The following PTGIS variants were observed in gnomAD, a reference collection of about 807,000 sequenced individuals.
PTGIS encodes the protein prostacyclin synthase.
Under a neutral mutation model 50.3 loss-of-function variants are expected in PTGIS, and 45 were observed. The ratio of observed to expected loss-of-function variants is 0.90; its 90% CI spans 0.70 to 1.15. The LOEUF is 1.15. Among genes scored for constraint, PTGIS ranks in the 50% most tolerant of loss-of-function variants. PTGIS has a pLI of 0.00. For synonymous variants in PTGIS, 260 were observed against 267.7 expected (o/e 0.97, Z 0.28); for missense variants, 668 against 661.3 (o/e 1.01, Z -0.11).
Position 49,568,037 on chromosome 20 carries a change from A to G in PTGIS, c.74+6T>C. 2 of 1,483,544 alleles carry G rather than the reference A, an allele frequency of 1.3e-6. No individual in the cohort carries two copies. The highest frequency in any genetic ancestry group is 2.3e-4 in the Middle Eastern group (1 of 4,334). The allele number at this position is 1,483,544 out of a possible 1,614,324, so 91.9% of individuals were successfully genotyped here. On this transcript the variant is annotated splice_donor_region_variant and intron_variant, in intron 1 of 9. Transcript: ENST00000244043. ...CTGGCGGGGCCGAGCGGAGCAGGAC[A>G]CTCACCGCGTGCGGCGGCGGCTCAG...
At chr20:49,565,032 A>G (rs1982862376) in intron 1 of PTGIS, among the ~76,000 whole-genome samples, 1 of 146,716 alleles carries the variant, frequency 6.8e-6, no homozygotes, top group Non-Finnish European at 1.5e-5. Context: ...GTGCAGTGGC[A>G]GGATCTCAGC....
chr20:49,542,227 C>T (rs552271560), intron 4 of PTGIS, among the ~76,000 whole-genome samples: 1 of 152,214 alleles, frequency 6.6e-6, no homozygotes, highest in Non-Finnish European at 1.5e-5. Flanking sequence ...CCAACACAGG[C>T]CAGGCTGGTG....
At chr20:49,525,519 G>A (rs1981770805) in intron 5 of PTGIS, among the ~76,000 whole-genome samples, 1 of 151,850 alleles carries the variant, frequency 6.6e-6, no homozygotes, top group Non-Finnish European at 1.5e-5. Flanking sequence ...AGGGCAGACT[G>A]GTAAGGGGAT....
chr20:49,566,848 A>G (rs1982911579), intron 1 of PTGIS, among the ~76,000 whole-genome samples: 2 of 152,196 alleles, frequency 1.3e-5, no homozygotes, highest in East Asian at 3.8e-4. Context: ...AACTGGATAA[A>G]ATCCCGTGAA....
At chr20:49,514,439 C>T (rs376486723) in intron 6 of PTGIS, 44 bp from the exon 7 acceptor site, 1 of 1,601,272 alleles carries the variant, frequency 6.2e-7, no homozygotes, top group South Asian at 1.1e-5. Flanking sequence ...GAGGGCAGAG[C>T]TGACTCGTCT....
intron 1 of PTGIS, among the ~76,000 whole-genome samples, chr20:49,562,832 A>T (rs1454664541): frequency 6.6e-6 from 1 of 152,214 alleles, no homozygotes; most frequent in African/African-American, 2.4e-5. Context: ...GGAGTCAAGG[A>T]TGGGATGTCA....
rs553333364 is a variant in PTGIS, at chr20:49,514,740, G to T, written c.856-345C>A. Among the ~76,000 whole-genome samples, 100 of 152,206 alleles carry T rather than the reference G, an allele frequency of 6.6e-4. 1 individual carries two copies. Among genetic ancestry groups the T allele is most frequent in the Non-Finnish European group, 2.6e-4 (18 of 68,046 alleles). On this transcript the variant is annotated intron_variant, in intron 6 of 9. Coordinates refer to ENST00000244043, the MANE Select transcript of PTGIS (RefSeq NM_000961.4). ...GTTCACATCTGAGAATGATCACATTGTTGGCCCCAATTCTTCCCCAATCGC... is the reference window on the plus strand; with the variant it reads ...GTTCACATCTGAGAATGATCACATTTTTGGCCCCAATTCTTCCCCAATCGC...
In PTGIS at chr20:49,548,040, T is replaced by C. The variant is rs201336658; in HGVS notation, c.199-21A>G. 7.9e-5 allele frequency: 127 copies of C among 1,611,538 alleles called. No individual in the cohort carries two copies. In the African/African-American group the frequency reaches 1.4e-3, roughly 18 times the overall value. On this transcript the variant is annotated intron_variant, in intron 2 of 9. Coordinates refer to ENST00000244043, the MANE Select transcript of PTGIS (RefSeq NM_000961.4). ...AGTATCTGTGGGAAGTTGCCAGGGA[T>C]AGAGTGAGGAGTGTCACTGTGAACA...
At chr20:49,544,282 G>T in intron 4 of PTGIS, 23 bp downstream of exon 4, 1 of 1,613,560 alleles carries the variant, frequency 6.2e-7, no homozygotes, top group Non-Finnish European at 8.5e-7. Flanking sequence ...CCCAGCAGGA[G>T]GGTGGGGGCT....
At chr20:49,509,982 G>A (rs1981272187) in intron 9 of PTGIS, among the ~76,000 whole-genome samples, 1 of 148,632 alleles carries the variant, frequency 6.7e-6, no homozygotes, top group African/African-American at 2.5e-5. Flanking sequence ...TCCACCTCCT[G>A]GGTTCAAGAG....
At chr20:49,560,632 G>A (rs889336962) in intron 1 of PTGIS, among the ~76,000 whole-genome samples, 4 of 152,236 alleles carry the variant, frequency 2.6e-5, no homozygotes, top group Admixed American at 6.5e-5. Flanking sequence ...GAGATGCCAC[G>A]TGAGCAAAGA....
intron 2 of PTGIS, among the ~76,000 whole-genome samples, chr20:49,549,473 T>C (rs1447092784): frequency 3.9e-5 from 6 of 152,186 alleles, no homozygotes; most frequent in Non-Finnish European, 8.8e-5. Flanking sequence ...TCCAGAGATA[T>C]GGAACCCACC....
At chr20:49,518,756 A>C (rs1307034626) in intron 6 of PTGIS, among the ~76,000 whole-genome samples, 1 of 152,134 alleles carries the variant, frequency 6.6e-6, no homozygotes, top group African/African-American at 2.4e-5. Flanking sequence ...GTTTAGTGGC[A>C]GAGGTGAGAT....
intron 5 of PTGIS, among the ~76,000 whole-genome samples, chr20:49,536,470 C>CTTTTTTTTT (rs1471525960): frequency 2.4e-4 from 33 of 135,108 alleles, no homozygotes; most frequent in Non-Finnish European, 4.0e-4. Flanking sequence ...TTCTTTCTTT[C>CTTTTTTTTT]TTTCTTTCTT....
intron 5 of PTGIS, among the ~76,000 whole-genome samples, chr20:49,534,921 G>A (rs1200628888): frequency 1.3e-5 from 2 of 152,138 alleles, no homozygotes; most frequent in African/African-American, 2.4e-5. Context: ...TGGGAGGATC[G>A]CTTGAGCCTG....
At chr20:49,558,111 G>A (rs986483186) in intron 1 of PTGIS, among the ~76,000 whole-genome samples, 2 of 152,182 alleles carry the variant, frequency 1.3e-5, no homozygotes, top group African/African-American at 4.8e-5. Context: ...AAATAAGGCT[G>A]GGCATGGTGT....
At chr20:49,523,356 C>G (rs552301295) in intron 6 of PTGIS, among the ~76,000 whole-genome samples, 1 of 151,466 alleles carries the variant, frequency 6.6e-6, no homozygotes, top group East Asian at 1.9e-4. Context: ...GAGAGAGAGA[C>G]AGAGAGAGAG....
At chr20:49,527,152 C>G (rs2122859088) in intron 5 of PTGIS, among the ~76,000 whole-genome samples, 1 of 151,952 alleles carries the variant, frequency 6.6e-6, no homozygotes, top group Middle Eastern at 3.4e-3. Flanking sequence ...GAATGAAATT[C>G]TGACGCATAT....
At chr20:49,539,999 C>G (rs989944921) in intron 4 of PTGIS, among the ~76,000 whole-genome samples, 1 of 152,176 alleles carries the variant, frequency 6.6e-6, no homozygotes, top group African/African-American at 2.4e-5. Flanking sequence ...AGACACAAAG[C>G]TGGGTAGCAG....
Sources: gnomAD v4.1 joint callset for allele counts (sites outside exome capture counted in the v4.1 genomes callset) on GRCh38, gnomAD v4.1.1 for gene constraint, MANE v1.5 for transcripts, NCBI Gene and HGNC (gene_info 2026-07-23, HGNC 2026-07-21) for gene names.